The following TRIM24 variants were observed in gnomAD, a reference collection of about 807,000 sequenced individuals.
TRIM24 encodes the protein transcription intermediary factor 1-alpha.
TRIM24 carries 29 observed loss-of-function variants against 123.9 expected under a neutral mutation model. The ratio of observed to expected loss-of-function variants is 0.23; its 90% CI spans 0.17 to 0.32. TRIM24 has a LOEUF of 0.32. Ranked by LOEUF, TRIM24 falls within the 10% of genes least tolerant of loss-of-function variation. The pLI, the probability that TRIM24 is intolerant of heterozygous loss-of-function variation, is 1.00. For synonymous variants in TRIM24, 456 were observed against 461.1 expected (o/e 0.99, Z 0.14); for missense variants, 932 against 1,295.3 (o/e 0.72, Z 4.31).
chr7:138,467,450 T>G (rs547136684), intron 1 of TRIM24, among the ~76,000 whole-genome samples: 1 of 152,190 alleles, frequency 6.6e-6, no homozygotes, highest in African/African-American at 2.4e-5. Flanking sequence ...CAAGTGATTC[T>G]CCTGCCTCAG....
intron 12 of TRIM24, among the ~76,000 whole-genome samples, chr7:138,575,529 C>A (rs985912508): frequency 4.6e-4 from 61 of 132,236 alleles, no homozygotes; most frequent in African/African-American, 1.7e-3. Flanking sequence ...AAATTAAATT[C>A]TCCAGAGTTT....
intron 1 of TRIM24, among the ~76,000 whole-genome samples, chr7:138,469,974 C>G (rs1442383359): frequency 6.6e-6 from 1 of 152,080 alleles, no homozygotes; most frequent in Non-Finnish European, 1.5e-5. Flanking sequence ...GGAATGTGGA[C>G]CCCCATTTGC....
rs959087420 is a variant in TRIM24 at position 138,580,891 on chromosome 7, T to G, written c.2718+197T>G. The stretch of plus-strand genomic sequence containing the variant: ...TTAAAAAAATCACAGAATTAATGCA[T>G]GTATTTTATAGAAGCTTATTGTACC... On this transcript the variant is annotated intron_variant, in intron 16 of 18. Transcript: ENST00000343526. Among the ~76,000 whole-genome samples the G allele has an allele frequency of 3.3e-5, 5 of 152,186 alleles. No individual in the cohort carries two copies. The highest frequency in any genetic ancestry group is 7.3e-5 in the Non-Finnish European group (5 of 68,028).
Position 138,515,298 on chromosome 7 carries a change from T to C in TRIM24, c.570T>C (p.Ala190=). ...GGCTCTGCAAGACGTGTATCAGAGC[T>C]CATCAGAGGGTAAAGTTCACAAAAG... The part of the protein sequence containing the change: ...VEWLCKTCIR[A]HQRVKFTKDH... The change falls in exon 3 of 19, where the codon GCT becomes GCC. Residue 190 remains alanine (A), a synonymous_variant. Transcript: ENST00000343526. 1.2e-6 allele frequency: 2 copies of C among 1,614,046 alleles called. No homozygotes were observed. The highest frequency in any genetic ancestry group is 1.7e-6 in the Non-Finnish European group (2 of 1,179,924).
intron 9 of TRIM24, among the ~76,000 whole-genome samples, chr7:138,558,684 A>G (rs1797365624): frequency 6.6e-6 from 1 of 152,244 alleles, no homozygotes; most frequent in African/African-American, 2.4e-5. Flanking sequence ...TATAATATAC[A>G]GACTGACTTC....
At chr7:138,463,306 G>A (rs938165933) in intron 1 of TRIM24, among the ~76,000 whole-genome samples, 4 of 151,818 alleles carry the variant, frequency 2.6e-5, no homozygotes, top group Non-Finnish European at 5.9e-5. Flanking sequence ...GTTCAGGCTG[G>A]AGTGCAGTGG....
intron 2 of TRIM24, among the ~76,000 whole-genome samples, chr7:138,510,377 T>G (rs1367032249): frequency 6.6e-6 from 1 of 152,170 alleles, no homozygotes; most frequent in African/African-American, 2.4e-5. Context: ...ACTGGAGATA[T>G]TCAATCAAAT....
chr7:138,526,202 A>G (rs769753027), intron 5 of TRIM24, among the ~76,000 whole-genome samples: 3 of 152,228 alleles, frequency 2.0e-5, no homozygotes, highest in Non-Finnish European at 4.4e-5. Context: ...TAAGGCAGTC[A>G]TCACAATCTA....
intron 4 of TRIM24, among the ~76,000 whole-genome samples, chr7:138,519,629 C>T (rs1295117865): frequency 3.9e-5 from 6 of 152,278 alleles, no homozygotes; most frequent in East Asian, 1.9e-4. Flanking sequence ...ACATTGGCAA[C>T]GTCCTATGGA....
intron 1 of TRIM24, among the ~76,000 whole-genome samples, chr7:138,467,566 C>T (rs970319774): frequency 6.6e-6 from 1 of 152,154 alleles, no homozygotes; most frequent in Admixed American, 6.6e-5. Flanking sequence ...TGGTCTCGAT[C>T]TCTTGACCTG....
chr7:138,552,645 A>G (rs1584734948), intron 8 of TRIM24, among the ~76,000 whole-genome samples: 1 of 152,282 alleles, frequency 6.6e-6, no homozygotes, highest in South Asian at 2.1e-4. Flanking sequence ...AAGAAAAGAA[A>G]ATGGCTGGAG....
chr7:138,546,557 G>T (rs185681314), intron 7 of TRIM24, among the ~76,000 whole-genome samples: 1 of 152,150 alleles, frequency 6.6e-6, no homozygotes, highest in Non-Finnish European at 1.5e-5. Flanking sequence ...AGTATTTAGG[G>T]AAGACAGGAC....
chr7:138,502,298 T>C (rs76679596), intron 1 of TRIM24, among the ~76,000 whole-genome samples: 3,242 of 152,294 alleles, frequency 0.021, 94 homozygotes, highest in African/African-American at 0.071. Flanking sequence ...CATGTGAAAT[T>C]GTTACAACAA....
chr7:138,582,537 G>A (rs112730273), intron 17 of TRIM24, among the ~76,000 whole-genome samples: 5,054 of 135,330 alleles, frequency 0.037, 145 homozygotes, highest in Middle Eastern at 0.099. Context: ...GCAAGACTCC[G>A]TCTCAAAAAA....
intron 1 of TRIM24, chr7:138,461,353 G>A (rs773568476): frequency 4.5e-5 from 19 of 421,086 alleles, no homozygotes; most frequent in African/African-American, 8.3e-5. Context: ...TTGAGCTGCA[G>A]GGGAGAAGGG....
chr7:138,471,737 C>T (rs1197438531), intron 1 of TRIM24, among the ~76,000 whole-genome samples: 4 of 151,986 alleles, frequency 2.6e-5, no homozygotes, highest in Admixed American at 2.0e-4. Flanking sequence ...GATGGGGTTT[C>T]GCCATGTTGG....
intron 1 of TRIM24, among the ~76,000 whole-genome samples, chr7:138,475,156 GA>G (rs1257942320): frequency 6.6e-6 from 1 of 152,168 alleles, no homozygotes; most frequent in African/African-American, 2.4e-5. Context: ...ACTTTAAATA[GA>G]TGCTGTGTGT....
intron 1 of TRIM24, among the ~76,000 whole-genome samples, chr7:138,497,194 G>A (rs1423211745): frequency 1.3e-5 from 2 of 151,878 alleles, no homozygotes; most frequent in Non-Finnish European, 2.9e-5. Context: ...TTTGTGTCTA[G>A]ACTTTTCTTC....
intron 2 of TRIM24, among the ~76,000 whole-genome samples, chr7:138,507,673 A>C (rs1365332400): frequency 6.6e-6 from 1 of 152,178 alleles, no homozygotes; most frequent in African/African-American, 2.4e-5. Context: ...TTTTCTGTAA[A>C]CATAACTACC....
Sources: allele counts gnomAD v4.1 joint callset (sites outside exome capture counted in the v4.1 genomes callset), GRCh38; gene constraint gnomAD v4.1.1; transcripts MANE v1.5; gene names NCBI Gene and HGNC (gene_info 2026-07-23, HGNC 2026-07-21).